Variants in LRRC4C observed in about 807,000 individuals in gnomAD.
LRRC4C encodes leucine-rich repeat-containing protein 4C.
In LRRC4C, 5 loss-of-function variants were observed where a neutral mutation model predicts 33.6. The ratio of observed to expected loss-of-function variants is 0.15; its 90% CI spans 0.08 to 0.31. The LOEUF (loss-of-function observed/expected upper bound fraction) is 0.31. Ranked by LOEUF, LRRC4C falls within the 10% of genes least tolerant of loss-of-function variation. The probability of loss-of-function intolerance (pLI) is 1.00; values close to 1 mark genes in which losing one functional copy is unlikely to be tolerated. For synonymous variants in LRRC4C, 329 were observed against 302.0 expected (o/e 1.09, Z -0.93); for missense variants, 560 against 796.7 (o/e 0.70, Z 3.58).
At chr11:40,937,767 C>G (rs532603897) in intron 1 of LRRC4C, among the ~76,000 whole-genome samples, 106 of 152,018 alleles carry the variant, frequency 7.0e-4, no homozygotes, top group Middle Eastern at 3.4e-3. Flanking sequence ...CTCAGCCTGC[C>G]GAGTAGCTGG....
chr11:40,981,113 T>C (rs1433124943), intron 1 of LRRC4C, among the ~76,000 whole-genome samples: 1 of 152,176 alleles, frequency 6.6e-6, no homozygotes, highest in African/African-American at 2.4e-5. Context: ...GAAATATATG[T>C]GGCTGAAAAA....
At chr11:40,987,663 T>TATC (rs1565274573) in intron 1 of LRRC4C, among the ~76,000 whole-genome samples, 83 of 78,194 alleles carry the variant, frequency 1.1e-3, no homozygotes, top group South Asian at 1.6e-3. Context: ...CTCATATATA[T>TATC]GAGATATAAA....
chr11:40,835,453 C>A (rs1423284110), intron 2 of LRRC4C, among the ~76,000 whole-genome samples: 1 of 152,158 alleles, frequency 6.6e-6, no homozygotes, highest in Non-Finnish European at 1.5e-5. Flanking sequence ...TTGATTAAAG[C>A]ATCTCTAGAC....
At chr11:40,898,593 GT>G (rs1956072266) in intron 2 of LRRC4C, among the ~76,000 whole-genome samples, 1 of 151,762 alleles carries the variant, frequency 6.6e-6, no homozygotes, top group Non-Finnish European at 1.5e-5. Context: ...TGAAAGAAAA[GT>G]TGAATCCAAA....
At chr11:41,405,272 T>C (rs924209397) in intron 1 of LRRC4C, among the ~76,000 whole-genome samples, 8 of 152,156 alleles carry the variant, frequency 5.3e-5, no homozygotes, top group Non-Finnish European at 8.8e-5. Context: ...ATACACATGG[T>C]ATATTTACAA....
intron 4 of LRRC4C, among the ~76,000 whole-genome samples, chr11:40,259,108 A>G (rs1867463773): frequency 6.6e-6 from 1 of 152,168 alleles, no homozygotes; most frequent in South Asian, 2.1e-4. Flanking sequence ...CACAGCTACT[A>G]GTGGAGTGTT....
chr11:40,617,789 A>G (rs1177256923), intron 3 of LRRC4C, among the ~76,000 whole-genome samples: 2 of 151,742 alleles, frequency 1.3e-5, no homozygotes, highest in African/African-American at 4.8e-5. Context: ...ATGTGTCAAC[A>G]TCTTAACCAT....
chr11:40,259,336 A>G (rs541629642), intron 4 of LRRC4C, among the ~76,000 whole-genome samples: 19 of 151,570 alleles, frequency 1.3e-4, no homozygotes, highest in East Asian at 3.9e-4. Flanking sequence ...AGTAGGTTGC[A>G]AAAATTTTCT....
chr11:40,988,355 G>A (rs543621042), intron 1 of LRRC4C, among the ~76,000 whole-genome samples: 2 of 152,056 alleles, frequency 1.3e-5, no homozygotes, highest in Non-Finnish European at 2.9e-5. Context: ...GCTCATTCTT[G>A]AAGTTACTCA....
At chr11:40,821,277 G>A (rs1951916667) in intron 2 of LRRC4C, among the ~76,000 whole-genome samples, 1 of 151,420 alleles carries the variant, frequency 6.6e-6, no homozygotes, top group Admixed American at 6.6e-5. Flanking sequence ...ACTATTTTTT[G>A]GGGAAATTGA....
intron 5 of LRRC4C, 31 bp downstream of exon 5, chr11:40,241,488 G>A (rs955591285): frequency 2.6e-5 from 4 of 152,010 alleles, no homozygotes; most frequent in Admixed American, 2.6e-4. Context: ...TTTATATTTG[G>A]AAGGAAAAGC....
At chr11:40,607,019 T>A (rs1960684088) in intron 3 of LRRC4C, among the ~76,000 whole-genome samples, 1 of 152,142 alleles carries the variant, frequency 6.6e-6, no homozygotes, top group Admixed American at 6.5e-5. Flanking sequence ...GAATTTCTCA[T>A]CAGAAACTTT....
intron 2 of LRRC4C, among the ~76,000 whole-genome samples, chr11:40,751,604 G>C (rs1948694490): frequency 6.6e-6 from 1 of 151,708 alleles, no homozygotes; most frequent in African/African-American, 2.4e-5. Context: ...AAATTGTAGA[G>C]GTAAAAAAAA....
At chr11:40,935,977 A>G (rs1285041948) in intron 1 of LRRC4C, among the ~76,000 whole-genome samples, 6 of 132,678 alleles carry the variant, frequency 4.5e-5, no homozygotes, top group Non-Finnish European at 8.0e-5. Context: ...TAAGAATGTG[A>G]TGAGAGTACT....
intron 1 of LRRC4C, among the ~76,000 whole-genome samples, chr11:41,170,590 A>G (rs563012062): frequency 6.6e-6 from 1 of 152,332 alleles, no homozygotes; most frequent in African/African-American, 2.4e-5. Context: ...CTTACACCTT[A>G]TACAAAAATT....
intron 3 of LRRC4C, among the ~76,000 whole-genome samples, chr11:40,576,450 T>G (rs1328671441): frequency 2.6e-5 from 4 of 152,210 alleles, no homozygotes; most frequent in African/African-American, 9.7e-5. Context: ...GTTAAGAGTG[T>G]ATTCCTTAAT....
At chr11:41,443,188 G>A (rs1204899158) in intron 1 of LRRC4C, among the ~76,000 whole-genome samples, 1 of 149,284 alleles carries the variant, frequency 6.7e-6, no homozygotes, top group East Asian at 2.0e-4. Flanking sequence ...ATTAACGAAG[G>A]CTTAGAAGAA....
intron 1 of LRRC4C, among the ~76,000 whole-genome samples, chr11:41,080,249 C>T (rs576622201): frequency 1.3e-5 from 2 of 151,346 alleles, no homozygotes; most frequent in African/African-American, 4.9e-5. Context: ...TTGAGGAACA[C>T]AGAGGAAGTG....
intron 1 of LRRC4C, among the ~76,000 whole-genome samples, chr11:41,361,780 T>C (rs772644475): frequency 3.3e-5 from 5 of 152,176 alleles, no homozygotes; most frequent in Non-Finnish European, 7.4e-5. Flanking sequence ...CTGTAGTGAC[T>C]CTTAAATGTA....
Sources: allele counts gnomAD v4.1 joint callset (sites outside exome capture counted in the v4.1 genomes callset), GRCh38; gene constraint gnomAD v4.1.1; transcripts MANE v1.5; gene names NCBI Gene and HGNC (gene_info 2026-07-23, HGNC 2026-07-21).